The following TAFA5 variants were observed in gnomAD, a reference collection of about 807,000 sequenced individuals.
TAFA5 encodes the protein TAFA chemokine like family member 5.
A neutral mutation model predicts 15.3 loss-of-function variants in TAFA5; 6 were observed. The ratio of observed to expected loss-of-function variants is 0.39; its 90% CI spans 0.21 to 0.77. The LOEUF (loss-of-function observed/expected upper bound fraction) is 0.77. Ranked by LOEUF, TAFA5 falls within the 30% of genes least tolerant of loss-of-function variation. The pLI, the probability that TAFA5 is intolerant of heterozygous loss-of-function variation, is 0.41. For missense variants in TAFA5, 161 were observed against 193.1 expected (o/e 0.83, Z 0.98); for synonymous variants, 103 against 80.7 (o/e 1.28, Z -1.48).
chr22:48,503,886 C>T (rs1048919086), intron 1 of TAFA5, among the ~76,000 whole-genome samples: 20 of 152,146 alleles, frequency 1.3e-4, no homozygotes, highest in Admixed American at 1.0e-3. Flanking sequence ...CCCATCCCCA[C>T]GACACACCAG....
chr22:48,634,116 ACTCG>A (rs1380662528), intron 1 of TAFA5, among the ~76,000 whole-genome samples: 1 of 73,332 alleles, frequency 1.4e-5, no homozygotes, highest in African/African-American at 6.2e-5. Context: ...ACGTTCACTC[ACTCG>A]CTCACTCACT....
intron 3 of TAFA5, among the ~76,000 whole-genome samples, chr22:48,738,764 C>G (rs1417446608): frequency 6.6e-6 from 1 of 152,248 alleles, no homozygotes; most frequent in Non-Finnish European, 1.5e-5. Context: ...GGTCAGCCCT[C>G]AGGAGCTCCG....
At chr22:48,500,095 G>A (rs997335699) in intron 1 of TAFA5, among the ~76,000 whole-genome samples, 1 of 152,040 alleles carries the variant, frequency 6.6e-6, no homozygotes, top group South Asian at 2.1e-4. Context: ...TCCTCTTTGG[G>A]CCTCAGTTTT....
rs772628499 is a variant in TAFA5, at chr22:48,707,820, C to T, written c.366C>T (p.Pro122=). ...GGTCAGGCTGGACGTGCACGCAGCC[C>T]GGCGGGAGGATAAAGACCACCACGG... is the stretch of plus-strand genomic sequence containing the variant. The part of the protein sequence containing the change: ...INRSGWTCTQ[P]GGRIKTTTVS Residue 122 remains proline, a synonymous_variant, in exon 3 of 4, where the codon CCC becomes CCT. Transcript: ENST00000402357. 8.7e-6 allele frequency: 14 copies of T among 1,613,574 alleles called. No homozygotes were observed. The highest frequency in any genetic ancestry group is 1.7e-4 in the Middle Eastern group (1 of 6,058).
At position 48,490,317 on chromosome 22, in the gene TAFA5, G is replaced by T. The variant is rs1409748496; in HGVS notation, c.112+613G>T. On this transcript the variant is annotated intron_variant, in intron 1 of 3. Transcript: ENST00000402357. This position sits in a 1 kb window ranked among gnomAD's most constrained non-coding sequence, Gnocchi z 5.8. Reference sequence around the variant, plus strand: ...CGCGGCCGCGGACGTTTCTCGGGTCGTGTCTGGGGCCCGAGCTGGTGACCG... The same window carrying T: ...CGCGGCCGCGGACGTTTCTCGGGTCTTGTCTGGGGCCCGAGCTGGTGACCG... 1.3e-5 allele frequency among the ~76,000 whole-genome samples: 2 copies of T among 152,060 alleles called. No homozygotes were observed. Among genetic ancestry groups the T allele is most frequent in the Admixed American group, 6.5e-5 (1 of 15,286 alleles).
chr22:48,555,642 C>T (rs1923009972), intron 1 of TAFA5, among the ~76,000 whole-genome samples: 1 of 152,224 alleles, frequency 6.6e-6, no homozygotes, highest in African/African-American at 2.4e-5. Context: ...CCCCCCACGC[C>T]ACGGGCACCC....
chr22:48,703,907 C>T (rs910911889), intron 2 of TAFA5, among the ~76,000 whole-genome samples: 1 of 152,232 alleles, frequency 6.6e-6, no homozygotes, highest in African/African-American at 2.4e-5. Context: ...CGGGCAGATG[C>T]AGAAACATCT....
intron 3 of TAFA5, among the ~76,000 whole-genome samples, chr22:48,713,899 G>T (rs930618740): frequency 6.6e-6 from 1 of 152,226 alleles, no homozygotes; most frequent in East Asian, 1.9e-4. Context: ...ATGTGTCAAC[G>T]TGGCCCCACT....
At chr22:48,604,046 C>G (rs1259567034) in intron 1 of TAFA5, among the ~76,000 whole-genome samples, 4 of 152,344 alleles carry the variant, frequency 2.6e-5, no homozygotes, top group Non-Finnish European at 4.4e-5. Context: ...GTGGACAGCA[C>G]TGGACTGTGT....
chr22:48,683,793 AT>A (rs1928268054), intron 2 of TAFA5, among the ~76,000 whole-genome samples: 1 of 152,156 alleles, frequency 6.6e-6, no homozygotes, highest in Non-Finnish European at 1.5e-5. Flanking sequence ...GCAGGAGGTG[AT>A]TGGATCATGG....
rs73173405 is a variant in TAFA5, at chr22:48,539,265, A to G, written c.112+49561A>G. On this transcript the variant is annotated intron_variant, in intron 1 of 3. Transcript: ENST00000402357. ...GACTGGCCCAGCCAGGGCCCTGGAG[A>G]GGTGGCCAGAAAGACCCTGGCGGAC... is the stretch of plus-strand genomic sequence containing the variant. The G allele has an allele frequency of 2.0e-4, 89 of 438,764 alleles. No homozygotes were observed. In the East Asian group the frequency reaches 4.4e-3, roughly 21 times the overall value. 27.2% of individuals were successfully genotyped at this position (438,764 alleles called of 1,614,324 possible).
chr22:48,511,630 C>A (rs978173572), intron 1 of TAFA5, among the ~76,000 whole-genome samples: 3 of 152,222 alleles, frequency 2.0e-5, no homozygotes, highest in African/African-American at 7.2e-5. Flanking sequence ...AAGCCGCATT[C>A]GTTCTGCAAG....
chr22:48,536,188 C>T lies in TAFA5; in HGVS notation c.112+46484C>T, dbSNP rs544358898. Among the ~76,000 whole-genome samples the T allele has an allele frequency of 9.2e-5, 14 of 152,344 alleles. No homozygotes were observed. The East Asian group carries it at 2.5e-3, about 27-fold the overall frequency. Reference sequence around the variant, plus strand: ...CTGTCTTCATGCGTCCCCCATGCCCCGACACACACACACGTTTCCATTAAT... The same window carrying T: ...CTGTCTTCATGCGTCCCCCATGCCCTGACACACACACACGTTTCCATTAAT... On this transcript the variant is annotated intron_variant, in intron 1 of 3. Transcript: ENST00000402357.
At chr22:48,506,374 C>T (rs1920998203) in intron 1 of TAFA5, among the ~76,000 whole-genome samples, 1 of 152,254 alleles carries the variant, frequency 6.6e-6, no homozygotes, top group Admixed American at 6.5e-5. Flanking sequence ...CCTCCAGAAT[C>T]CTTTCCGAAG....
chr22:48,703,522 C>A (rs1409015804), intron 2 of TAFA5, among the ~76,000 whole-genome samples: 1 of 152,242 alleles, frequency 6.6e-6, no homozygotes, highest in Non-Finnish European at 1.5e-5. Flanking sequence ...CCCACAGTCC[C>A]AGTGAGCTCT....
chr22:48,545,863 C>G (rs1232016154), intron 1 of TAFA5, among the ~76,000 whole-genome samples: 1 of 152,156 alleles, frequency 6.6e-6, no homozygotes, highest in African/African-American at 2.4e-5. Flanking sequence ...TCCGGCAGGG[C>G]AGATTAATAC....
chr22:48,702,925 C>T (rs572494712), intron 2 of TAFA5, among the ~76,000 whole-genome samples: 9 of 152,356 alleles, frequency 5.9e-5, no homozygotes, highest in East Asian at 1.9e-4. Flanking sequence ...AGGGCCGGCC[C>T]GCTGGTGCCC....
intron 1 of TAFA5, among the ~76,000 whole-genome samples, chr22:48,519,458 G>A (rs1290916032): frequency 6.6e-6 from 1 of 152,202 alleles, no homozygotes; most frequent in African/African-American, 2.4e-5. Flanking sequence ...CATGCATCTC[G>A]CTGCCACTGA....
chr22:48,572,920 A>G (rs187659784), intron 1 of TAFA5, among the ~76,000 whole-genome samples: 2 of 152,322 alleles, frequency 1.3e-5, no homozygotes, highest in African/African-American at 4.8e-5. Flanking sequence ...TGGCTGAAGT[A>G]TTGTGTTTAC....
Sources: allele counts gnomAD v4.1 joint callset (sites outside exome capture counted in the v4.1 genomes callset), GRCh38; gene constraint gnomAD v4.1.1; non-coding constraint Gnocchi (gnomAD v3.1); transcripts MANE v1.5; gene names NCBI Gene and HGNC (gene_info 2026-07-23, HGNC 2026-07-21).